The following CDK12 variants were observed in gnomAD, a reference collection of about 807,000 sequenced individuals.
CDK12 encodes cyclin dependent kinase 12.
CDK12 carries 17 observed loss-of-function variants against 133.8 expected under a neutral mutation model. The observed-to-expected ratio is 0.13, with a 90% confidence interval of 0.09 to 0.19. The LOEUF is 0.19. Among genes scored for constraint, CDK12 ranks in the 10% least tolerant of loss-of-function variants. The pLI is 1.00. For missense variants in CDK12, 1,508 were observed against 1,818.7 expected (o/e 0.83, Z 3.11); for synonymous variants, 694 against 683.6 (o/e 1.02, Z -0.24).
chr17:39,504,334 C>A (rs926658399), intron 6 of CDK12, among the ~76,000 whole-genome samples: 1 of 151,822 alleles, frequency 6.6e-6, no homozygotes, highest in Non-Finnish European at 1.5e-5. Context: ...AGAAATGTAA[C>A]CCAAGAGAGA....
rs538210387 is a variant in CDK12 at position 39,462,883 on chromosome 17, G to T, written c.812G>T (p.Arg271Ile). 1.7e-5 allele frequency: 27 copies of T among 1,614,172 alleles called. No individual in the cohort carries two copies. In the South Asian group the frequency reaches 2.7e-4, roughly 16 times the overall value. The change falls in exon 1 of 14, where the codon AGA (arginine) becomes ATA (isoleucine). Residue 271 changes from arginine to isoleucine, a missense_variant. Arg to Ile is a moderately conservative substitution (Grantham distance 97, BLOSUM62 -3). This residue lies in a region of CDK12 where 460 missense variants were observed against 490.8 expected (regional missense o/e 0.94). Transcript: ENST00000447079. ...SYKKSPGSTSRRQSVSPPYKE... is the reference protein window; with the variant it reads ...SYKKSPGSTSIRQSVSPPYKE... ...AAGAAAAGTCCTGGAAGTACCTCGAGAAGGCAGTCGGTCAGTCCCCCTTAC... is the reference window on the plus strand; with the variant it reads ...AAGAAAAGTCCTGGAAGTACCTCGATAAGGCAGTCGGTCAGTCCCCCTTAC...
intron 2 of CDK12, among the ~76,000 whole-genome samples, chr17:39,476,101 A>G (rs1365477070): frequency 6.6e-6 from 1 of 151,740 alleles, no homozygotes; most frequent in African/African-American, 2.4e-5. Context: ...TGTTTAGGAA[A>G]CAAAAAGCAT....
At chr17:39,489,108 TCTCA>T (rs2051368535) in intron 2 of CDK12, among the ~76,000 whole-genome samples, 2 of 137,600 alleles carry the variant, frequency 1.5e-5, no homozygotes, top group African/African-American at 2.8e-5. Context: ...CGAGATGGAG[TCTCA>T]CTCTGTCTCT....
intron 5 of CDK12, among the ~76,000 whole-genome samples, chr17:39,496,764 A>G (rs2052149485): frequency 1.3e-5 from 2 of 152,066 alleles, no homozygotes; most frequent in Non-Finnish European, 2.9e-5. Context: ...AAATCTTTGC[A>G]TTATGATTTA....
At chr17:39,463,652 T>C (rs1305327145) in intron 1 of CDK12, among the ~76,000 whole-genome samples, 1 of 152,024 alleles carries the variant, frequency 6.6e-6, no homozygotes, top group Non-Finnish European at 1.5e-5. Context: ...GTCTTTTAAC[T>C]GATGTTTTAG....
chr17:39,469,600 A>C (rs1344847749), intron 1 of CDK12, among the ~76,000 whole-genome samples: 1 of 149,444 alleles, frequency 6.7e-6, no homozygotes, highest in Non-Finnish European at 1.5e-5. Flanking sequence ...TAACTTCCTG[A>C]TGGATATAAC....
intron 2 of CDK12, among the ~76,000 whole-genome samples, chr17:39,480,163 A>G (rs1368594428): frequency 6.7e-6 from 1 of 150,086 alleles, no homozygotes; most frequent in Non-Finnish European, 1.5e-5. Context: ...ACTTCATGTG[A>G]TCCACTCATC....
rs565501751 is a variant in CDK12, at chr17:39,474,924, C to G, written c.1931+3161C>G. Among the ~76,000 whole-genome samples, 79 of 151,584 alleles carry G rather than the reference C, an allele frequency of 5.2e-4. 1 individual carries two copies. Among genetic ancestry groups the G allele is most frequent in the African/African-American group, 1.9e-3 (78 of 41,338 alleles). ...TCTCAGCTCACTGCAGCCTCTGCCT[C>G]CTGGGTTCAAGTGATTCTCATGCCT... On this transcript the variant is annotated intron_variant, in intron 2 of 13. Coordinates refer to ENST00000447079, the MANE Select transcript of CDK12 (RefSeq NM_016507.4).
At chr17:39,559,560 T>C (rs1325686968) in intron 3 of CDK12, among the ~76,000 whole-genome samples, 1 of 152,184 alleles carries the variant, frequency 6.6e-6, no homozygotes. Context: ...GTTTCAAAAA[T>C]GGAATAATGT....
intron 1 of CDK12, among the ~76,000 whole-genome samples, chr17:39,466,776 C>T (rs12941444): frequency 0.013 from 1,943 of 151,316 alleles, 48 homozygotes; most frequent in African/African-American, 0.045. Flanking sequence ...CCCAGAGACA[C>T]ATGCACGCTT....
upstream of CDK12, among the ~76,000 whole-genome samples, chr17:39,543,405 A>C (rs2055523598): frequency 6.6e-6 from 1 of 152,136 alleles, no homozygotes; most frequent in South Asian, 2.1e-4. Context: ...GGATGTATCT[A>C]CAGTCCCTTC....
rs926895184 is a variant in CDK12 at position 39,541,377 on chromosome 17, T to C, written c.451-2872T>C. 3.5e-4 allele frequency among the ~76,000 whole-genome samples: 9 copies of C among 26,084 alleles called. No individual in the cohort carries two copies. In the South Asian group the frequency reaches 0.039, roughly 114 times the overall value. The allele number at this position is 26,084 out of a possible 152,430, so 17.1% of individuals were successfully genotyped here. On this transcript the variant is annotated intron_variant and NMD_transcript_variant, in intron 1 of 4. Transcript: ENST00000559663. ...GAGTTTGGCTCTTTTTTTTTTTTTT[T>C]TTTTTTTTGAGACAGAGTCTCGCTC...
Position 39,492,905 on chromosome 17 carries a change from A to G in CDK12, c.2248+15A>G, listed in dbSNP as rs370176119. 3.8e-4 allele frequency: 601 copies of G among 1,586,240 alleles called. No individual in the cohort carries two copies. Among genetic ancestry groups the G allele is most frequent in the Non-Finnish European group, 4.7e-4 (553 of 1,169,172 alleles). On this transcript the variant is annotated intron_variant, in intron 4 of 13. Coordinates refer to ENST00000447079, the MANE Select transcript of CDK12 (RefSeq NM_016507.4). ...CAAAGACACAGGTAAATATTGCCAC[A>G]AAATTTTAGATGTCAGAATGTTAAC...
rs1487095820 is a variant in CDK12 at position 39,504,528 on chromosome 17, G to A, written c.2609+3089G>A. ...GTAGCACAGTTAATGGGAAGGTACT[G>A]GTAGGGGGTGTCTTTAATTTTTAAT... is the stretch of plus-strand genomic sequence containing the variant. On this transcript the variant is annotated intron_variant, in intron 6 of 13. Coordinates refer to ENST00000447079, the MANE Select transcript of CDK12 (RefSeq NM_016507.4). Among the ~76,000 whole-genome samples the A allele has an allele frequency of 2.6e-5, 4 of 152,068 alleles. No individual in the cohort carries two copies. In the East Asian group the frequency reaches 5.8e-4, roughly 22 times the overall value.
chr17:39,500,187 T>C (rs1183220916), intron 5 of CDK12, among the ~76,000 whole-genome samples: 1 of 151,938 alleles, frequency 6.6e-6, no homozygotes, highest in Non-Finnish European at 1.5e-5. Context: ...AAACATTAAC[T>C]GGGTGTGGTG....
rs796227047 is a variant in CDK12 at position 39,473,075 on chromosome 17, T to TA, written c.1931+1325dup. On this transcript the variant is annotated intron_variant, in intron 2 of 13. Transcript: ENST00000447079. ...TGGGCGATAGAGCGAGACTCCGTCTTAAAAAAAAAAAAAGCTATCAATAAT... is the reference window on the plus strand; with the variant it reads ...TGGGCGATAGAGCGAGACTCCGTCTTAAAAAAAAAAAAAAGCTATCAATAAT... Among the ~76,000 whole-genome samples the TA allele has an allele frequency of 9.3e-3, 1,301 of 140,050 alleles. 30 individuals carry two copies. Among genetic ancestry groups the TA allele is most frequent in the East Asian group, 0.076 (371 of 4,874 alleles). The allele number at this position is 140,050 out of a possible 152,430, so 91.9% of individuals were successfully genotyped here.
At chr17:39,498,630 A>G (rs545940474) in intron 5 of CDK12, among the ~76,000 whole-genome samples, 7 of 152,176 alleles carry the variant, frequency 4.6e-5, no homozygotes, top group African/African-American at 1.4e-4. Flanking sequence ...CCTGGGCTCA[A>G]ATGATTCTCT....
chr17:39,503,707 G>T (rs908318821), intron 6 of CDK12, among the ~76,000 whole-genome samples: 1 of 152,158 alleles, frequency 6.6e-6, no homozygotes, highest in African/African-American at 2.4e-5. Context: ...CAGGAATCCT[G>T]TGGTCTAGCC....
rs1366346274 is a variant in CDK12, at chr17:39,462,128, A to G, written c.57A>G (p.Gly19=). Residue 19 remains glycine (G), a synonymous_variant, in exon 1 of 14, where the codon GGA becomes GGG. Coordinates refer to ENST00000447079, the MANE Select transcript of CDK12 (RefSeq NM_016507.4). ...GKKDGSGGAS[G]TLQPSSGGGS... ...AGGACGGGAGTGGAGGAGCTTCTGGAACTTTGCAGCCGTCATCGGGAGGCG... is the reference window on the plus strand; with the variant it reads ...AGGACGGGAGTGGAGGAGCTTCTGGGACTTTGCAGCCGTCATCGGGAGGCG... 1 of 1,614,144 alleles carries G rather than the reference A, an allele frequency of 6.2e-7. No homozygotes were observed. Among genetic ancestry groups the G allele is most frequent in the East Asian group, 2.2e-5 (1 of 44,876 alleles).
Sources: allele counts gnomAD v4.1 joint callset (sites outside exome capture counted in the v4.1 genomes callset), GRCh38; gene constraint gnomAD v4.1.1; regional missense constraint gnomAD v4.1.1; transcripts MANE v1.5; gene names NCBI Gene and HGNC (gene_info 2026-07-23, HGNC 2026-07-21).